Variants in NT5C2 observed in about 807,000 individuals in gnomAD.
NT5C2 encodes cytosolic purine 5'-nucleotidase.
In NT5C2, 58 loss-of-function variants were observed where a neutral mutation model predicts 76.1. The observed-to-expected ratio is 0.76, with a 90% CI of 0.62 to 0.95. NT5C2 has a LOEUF of 0.95. Among genes scored for constraint, NT5C2 ranks in the 40% least tolerant of loss-of-function variants. The probability of loss-of-function intolerance (pLI) is 0.00; values close to 1 mark genes in which losing one functional copy is unlikely to be tolerated. For synonymous variants in NT5C2, 229 were observed against 237.4 expected, an observed-to-expected ratio of 0.96 and a Z score of 0.32; for missense variants, 478 against 690.3, an observed-to-expected ratio of 0.69 and a Z score of 3.45.
intron 1 of NT5C2, among the ~76,000 whole-genome samples, chr10:103,185,872 T>G (rs1192717472): frequency 1.3e-5 from 2 of 152,172 alleles, no homozygotes; most frequent in Non-Finnish European, 2.9e-5. Context: ...TACTTAAGGT[T>G]TAGTCCACCT....
At chr10:103,160,849 C>T (rs1322331192) in intron 3 of NT5C2, among the ~76,000 whole-genome samples, 1 of 152,128 alleles carries the variant, frequency 6.6e-6, no homozygotes, top group Non-Finnish European at 1.5e-5. Flanking sequence ...CCTATCTCTA[C>T]TAAAAATACA....
At chr10:103,159,156 C>T (rs1395732226) in intron 3 of NT5C2, among the ~76,000 whole-genome samples, 1 of 151,646 alleles carries the variant, frequency 6.6e-6, no homozygotes, top group African/African-American at 2.4e-5. Context: ...TCACTTGAGG[C>T]CAAGAGTTAG....
intron 3 of NT5C2, among the ~76,000 whole-genome samples, chr10:103,171,319 A>C (rs978447739): frequency 6.6e-6 from 1 of 152,238 alleles, no homozygotes; most frequent in Non-Finnish European, 1.5e-5. Context: ...AATATTACCT[A>C]ATTCTGACTT....
At chr10:103,174,717 C>T (rs961274664) in intron 3 of NT5C2, 141 bp downstream of exon 3, 2 of 626,744 alleles carry the variant, frequency 3.2e-6, no homozygotes, top group Non-Finnish European at 5.7e-6. Flanking sequence ...AAAGTCTCGA[C>T]TTAGAACTAG....
chr10:103,174,935 C>G lies in NT5C2; in HGVS notation c.24G>C (p.Arg8=). 6.2e-7 allele frequency: 1 copy of G among 1,611,574 alleles called. No individual in the cohort carries two copies. The highest frequency in any genetic ancestry group is 8.5e-7 in the Non-Finnish European group (1 of 1,177,784). Residue 8 remains arginine (R), a synonymous_variant, in exon 3 of 19, where the codon CGG becomes CGC. Transcript: ENST00000404739. Reference sequence around the variant, plus strand: ...CAGGCATATCTGCTGCATTCTGTAACCGATCACTCCAGGAGGTTGACATTT... The same window carrying G: ...CAGGCATATCTGCTGCATTCTGTAAGCGATCACTCCAGGAGGTTGACATTT... MSTSWSD[R]LQNAADMPAN... is the part of the protein sequence containing the mutation.
chr10:103,115,381 G>A (rs777801444), intron 4 of NT5C2, among the ~76,000 whole-genome samples: 19 of 152,114 alleles, frequency 1.2e-4, no homozygotes, highest in Non-Finnish European at 2.6e-4. Flanking sequence ...TTGCCTGGGT[G>A]ACAGAGCAAG....
At chr10:103,121,409 T>C (rs2075637153) in intron 4 of NT5C2, among the ~76,000 whole-genome samples, 4 of 152,196 alleles carry the variant, frequency 2.6e-5, no homozygotes, top group Admixed American at 2.6e-4. Context: ...GCACCTCCAA[T>C]GCCAGTAAGT....
At position 103,089,831 on chromosome 10, in the gene NT5C2, G is replaced by T. The variant is rs1564896308; in HGVS notation, c.1527C>A (p.Arg509=). 6.2e-7 allele frequency: 1 copy of T among 1,614,090 alleles called. No homozygotes were observed. Among genetic ancestry groups the T allele is most frequent in the Non-Finnish European group, 8.5e-7 (1 of 1,180,002 alleles). Residue 509 remains arginine (R), a synonymous_variant, in exon 19 of 19, where the codon CGC becomes CGA. Transcript: ENST00000404739. The stretch of plus-strand genomic sequence containing the variant: ...CAGTGTCTTTGAAATCCACTGATGT[G>T]CGGTTCCGGGTGGCAAGAGGAGACT... ...EMESPLATRN[R]TSVDFKDTDY...
intron 4 of NT5C2, among the ~76,000 whole-genome samples, chr10:103,113,642 G>C (rs909717152): frequency 4.6e-5 from 7 of 152,090 alleles, no homozygotes; most frequent in African/African-American, 1.7e-4. Context: ...ATCCTGGGCC[G>C]TGAAAGAGCT....
In NT5C2 at chr10:103,095,944, G is replaced by A; in HGVS notation, c.808C>T (p.Pro270Ser). ...MTYLFDFPHG[P>S]KPGSSHRPWQ... The stretch of plus-strand genomic sequence containing the variant: ...TATTGAGTCACATACGGTACCTTGG[G>A]GCCATGTGGGAAGTCAAACAGGTAA... The change falls in exon 12 of 19, where the codon CCC becomes TCC. Residue 270 changes from proline to serine, a missense_variant. Pro to Ser is a moderately conservative substitution (Grantham distance 74). Transcript: ENST00000404739. 1 of 1,612,800 alleles carries A rather than the reference G, an allele frequency of 6.2e-7. No homozygotes were observed. The highest frequency in any genetic ancestry group is 1.1e-5 in the South Asian group (1 of 91,022).
At chr10:103,121,676 G>A (rs755778995) in intron 4 of NT5C2, among the ~76,000 whole-genome samples, 32 of 151,990 alleles carry the variant, frequency 2.1e-4, no homozygotes, top group African/African-American at 5.1e-4. Flanking sequence ...TTTCTTCCCC[G>A]GTACTCTTAA....
chr10:103,111,793 T>C, intron 4 of NT5C2: 1 of 1,231,896 alleles, frequency 8.1e-7, no homozygotes, highest in Non-Finnish European at 1.0e-6. Context: ...TTGAAGGAGT[T>C]ACACTGGCTC....
chr10:103,188,096 C>T (rs1230673051), intron 1 of NT5C2, among the ~76,000 whole-genome samples: 1 of 152,206 alleles, frequency 6.6e-6, no homozygotes, highest in Non-Finnish European at 1.5e-5. Context: ...GTGGCTCACG[C>T]CTGTAATCCC....
chr10:103,108,635 T>C (rs2072054761), intron 4 of NT5C2, among the ~76,000 whole-genome samples: 2 of 152,208 alleles, frequency 1.3e-5, no homozygotes, highest in Admixed American at 6.5e-5. Flanking sequence ...CATTAATGTA[T>C]ATCTATTTTT....
intron 4 of NT5C2, among the ~76,000 whole-genome samples, chr10:103,114,207 G>C (rs1030874650): frequency 2.0e-5 from 3 of 152,188 alleles, no homozygotes; most frequent in Non-Finnish European, 4.4e-5. Flanking sequence ...GAGGTAAGGA[G>C]TTCGAGACCA....
intron 1 of NT5C2, among the ~76,000 whole-genome samples, chr10:103,182,880 T>C (rs1197658919): frequency 4.6e-5 from 7 of 152,180 alleles, no homozygotes. Context: ...TGCCTCATAT[T>C]GTACTAAATA....
chr10:103,132,894 A>G (rs1478149105), intron 4 of NT5C2, among the ~76,000 whole-genome samples: 1 of 152,228 alleles, frequency 6.6e-6, no homozygotes, highest in Non-Finnish European at 1.5e-5. Flanking sequence ...AAGAGTTAAA[A>G]AAAGAATGAA....
intron 11 of NT5C2, among the ~76,000 whole-genome samples, 178 bp from the exon 12 acceptor site, chr10:103,096,158 A>G (rs2068101771): frequency 6.6e-6 from 1 of 152,356 alleles, no homozygotes; most frequent in African/African-American, 2.4e-5. Flanking sequence ...ATGCTTTACC[A>G]TATACCAAAA....
chr10:103,192,843 A>T (rs556809997), intron 1 of NT5C2, among the ~76,000 whole-genome samples: 29 of 152,290 alleles, frequency 1.9e-4, no homozygotes, highest in Non-Finnish European at 3.4e-4. Flanking sequence ...GACTGAGGAA[A>T]GGGCTACCAC....
Sources: gnomAD v4.1 joint callset for allele counts (sites outside exome capture counted in the v4.1 genomes callset) on GRCh38, gnomAD v4.1.1 for gene constraint, MANE v1.5 for transcripts, NCBI Gene and HGNC (gene_info 2026-07-23, HGNC 2026-07-21) for gene names.